Variants in ZNF592 observed in about 807,000 individuals in gnomAD.
ZNF592 encodes zinc finger protein 592.
ZNF592 carries 11 observed loss-of-function variants against 80.3 expected under a neutral mutation model. The ratio of observed to expected loss-of-function variants is 0.14; its 90% CI spans 0.09 to 0.23. The LOEUF is 0.23. ZNF592 is among the 10% of genes least tolerant of loss of function. ZNF592 has a pLI of 1.00. For synonymous variants in ZNF592, 646 were observed against 640.3 expected, an observed-to-expected ratio of 1.01 and a Z score of -0.13; for missense variants, 1,420 against 1,633.9, an observed-to-expected ratio of 0.87 and a Z score of 2.26.
At chr15:84,782,241 T>G (rs1596122446) in intron 3 of ZNF592, among the ~76,000 whole-genome samples, 1 of 152,228 alleles carries the variant, frequency 6.6e-6, no homozygotes, top group Non-Finnish European at 1.5e-5. Flanking sequence ...GCAGAAGTTA[T>G]AGCCAGGTTT....
chr15:84,786,841 CTTT>C (rs35391255), intron 4 of ZNF592, among the ~76,000 whole-genome samples: 23 of 70,838 alleles, frequency 3.2e-4, no homozygotes, highest in African/African-American at 1.2e-3. Context: ...CCTTACGTAT[CTTT>C]TTTTTTTTTT....
rs954273290 is a variant in ZNF592, at chr15:84,801,845, T to C, written c.3274-18T>C. 6.2e-7 allele frequency: 1 copy of C among 1,613,982 alleles called. No individual in the cohort carries two copies. The highest frequency in any genetic ancestry group is 8.5e-7 in the Non-Finnish European group (1 of 1,179,872). On this transcript the variant is annotated intron_variant, in intron 10 of 10. Transcript: ENST00000560079. ...CAGGGCTTGGCCTGGACTTTGCTCA[T>C]GCTGTCTCTCCTTTTAGGTGAACCA...
chr15:84,759,548 T>C (rs1237781770), intron 1 of ZNF592, among the ~76,000 whole-genome samples: 1 of 152,152 alleles, frequency 6.6e-6, no homozygotes, highest in Non-Finnish European at 1.5e-5. Context: ...TTCCTCTGAG[T>C]CTAAGGCTTT....
intron 1 of ZNF592, among the ~76,000 whole-genome samples, chr15:84,759,815 C>T (rs192455200): frequency 2.0e-4 from 31 of 152,130 alleles, no homozygotes; most frequent in African/African-American, 7.5e-4. Flanking sequence ...GTTGTTGTAC[C>T]ACCTCATTGC....
chr15:84,772,373 AGACCC>A (rs1962106417), intron 2 of ZNF592, among the ~76,000 whole-genome samples: 1 of 152,034 alleles, frequency 6.6e-6, no homozygotes, highest in Non-Finnish European at 1.5e-5. Flanking sequence ...TAACATAGGG[AGACCC>A]TGTCTCTACA....
In ZNF592 at chr15:84,782,133, C is replaced by G. The variant is rs78467302; in HGVS notation, c.-19-524C>G. ...AATTTTCTAGAGTTTATTCATGAGA[C>G]AACACAAATAGCAAATCATTTTGGA... On this transcript the variant is annotated intron_variant, in intron 3 of 10. Coordinates refer to ENST00000560079, the MANE Select transcript of ZNF592 (RefSeq NM_014630.3). 3.9e-3 allele frequency among the ~76,000 whole-genome samples: 601 copies of G among 152,212 alleles called. 2 individuals carry two copies. The highest frequency in any genetic ancestry group is 0.014 in the African/African-American group (572 of 41,520).
At chr15:84,791,297 C>G (rs1962741626) in intron 5 of ZNF592, among the ~76,000 whole-genome samples, 1 of 152,150 alleles carries the variant, frequency 6.6e-6, no homozygotes, top group African/African-American at 2.4e-5. Flanking sequence ...TGCAAGATGC[C>G]AAACTCAAAG....
intron 1 of ZNF592, among the ~76,000 whole-genome samples, chr15:84,762,867 A>G (rs1414685103): frequency 6.6e-6 from 1 of 152,160 alleles, no homozygotes; most frequent in Non-Finnish European, 1.5e-5. Context: ...ATGGTTTTCT[A>G]GAATCTCTTT....
intron 4 of ZNF592, among the ~76,000 whole-genome samples, chr15:84,790,128 C>T (rs1962704109): frequency 6.8e-6 from 1 of 146,396 alleles, no homozygotes; most frequent in Non-Finnish European, 1.5e-5. Flanking sequence ...TCCTAACCTG[C>T]AGAGTGGGCA....
intron 5 of ZNF592, among the ~76,000 whole-genome samples, chr15:84,797,349 T>A (rs1357003035): frequency 4.6e-5 from 7 of 152,196 alleles, no homozygotes; most frequent in African/African-American, 7.2e-5. Flanking sequence ...AGGGTTTTTT[T>A]AATGTAGTTG....
At chr15:84,770,495 G>A (rs988114499) in intron 2 of ZNF592, among the ~76,000 whole-genome samples, 1 of 152,140 alleles carries the variant, frequency 6.6e-6, no homozygotes, top group Non-Finnish European at 1.5e-5. Context: ...AGCCTCAGTG[G>A]TGCCCACAGA....
At chr15:84,755,428 A>T (rs1004300108) in intron 1 of ZNF592, among the ~76,000 whole-genome samples, 2 of 151,976 alleles carry the variant, frequency 1.3e-5, no homozygotes, top group African/African-American at 4.8e-5. Context: ...CACTGTGCCC[A>T]GCTTGAAACT....
chr15:84,777,694 C>CCTTTTTT lies in ZNF592; in HGVS notation c.-149-489_-149-488insCTTTTTT, dbSNP rs1432630650. On this transcript the variant is annotated intron_variant, in intron 2 of 10. Coordinates refer to ENST00000560079, the MANE Select transcript of ZNF592 (RefSeq NM_014630.3). Reference sequence around the variant, plus strand: ...GAAAATAATTTCGTCTGTTGAGATACTTTTTTTTTTTTTTTTTTTTTTTGA... The same window carrying CCTTTTTT: ...GAAAATAATTTCGTCTGTTGAGATACCTTTTTTTTTTTTTTTTTTTTTTTTTTTTTGA... Among the ~76,000 whole-genome samples, 5 of 98,414 alleles carry CCTTTTTT rather than the reference C, an allele frequency of 5.1e-5. 2 individuals are homozygous for CCTTTTTT. 64.6% of individuals were successfully genotyped at this position (98,414 alleles called of 152,430 possible).
At chr15:84,793,130 G>A (rs1962798939) in intron 5 of ZNF592, among the ~76,000 whole-genome samples, 1 of 151,876 alleles carries the variant, frequency 6.6e-6, no homozygotes, top group African/African-American at 2.4e-5. Context: ...AGGCTGGAGT[G>A]CAGTGGCAGC....
intron 10 of ZNF592, among the ~76,000 whole-genome samples, chr15:84,801,499 C>T (rs1336380934): frequency 6.6e-6 from 1 of 151,846 alleles, no homozygotes; most frequent in Non-Finnish European, 1.5e-5. Context: ...GACCCTGCCT[C>T]AAAAAGAAAA....
At position 84,755,846 on chromosome 15, in the gene ZNF592, T is replaced by C. The variant is rs62019465; in HGVS notation, c.-259+7182T>C. ...CAGGGTAAGATGCTTTTGTTAGATATGCATTCAAACAGGTGGATTAGGCTA... is the reference window on the plus strand; with the variant it reads ...CAGGGTAAGATGCTTTTGTTAGATACGCATTCAAACAGGTGGATTAGGCTA... On this transcript the variant is annotated intron_variant, in intron 1 of 10. Transcript: ENST00000560079. Among the ~76,000 whole-genome samples the C allele has an allele frequency of 5.2e-3, 788 of 152,314 alleles. 4 individuals carry two copies. The highest frequency in any genetic ancestry group is 8.4e-3 in the Non-Finnish European group (573 of 68,034).
intron 1 of ZNF592, among the ~76,000 whole-genome samples, chr15:84,760,961 G>C (rs1294083276): frequency 6.6e-6 from 1 of 151,704 alleles, no homozygotes; most frequent in African/African-American, 2.4e-5. Context: ...TAGGCTACAG[G>C]AAGAAGTTTT....
chr15:84,800,977 ATGT>A (rs770563576), intron 10 of ZNF592, among the ~76,000 whole-genome samples: 9 of 152,242 alleles, frequency 5.9e-5, no homozygotes, highest in Non-Finnish European at 1.0e-4. Flanking sequence ...GCTCCAATGT[ATGT>A]TGTTAAGTAA....
intron 1 of ZNF592, among the ~76,000 whole-genome samples, chr15:84,755,547 C>G (rs1468288264): frequency 6.6e-6 from 1 of 152,174 alleles, no homozygotes; most frequent in East Asian, 1.9e-4. Context: ...TCAGAATAGA[C>G]TTGCTTCTCT....
Sources: allele counts gnomAD v4.1 joint callset (sites outside exome capture counted in the v4.1 genomes callset), GRCh38; gene constraint gnomAD v4.1.1; transcripts MANE v1.5; gene names NCBI Gene and HGNC (gene_info 2026-07-23, HGNC 2026-07-21).